Variants in RSF1 observed in about 807,000 individuals in gnomAD.
RSF1 encodes HBV pX-associated protein 8.
A neutral mutation model predicts 145.2 loss-of-function variants in RSF1; 13 were observed. The ratio of observed to expected loss-of-function variants is 0.09; its 90% CI spans 0.06 to 0.14. RSF1 has a LOEUF of 0.14. Among genes scored for constraint, RSF1 ranks in the 10% least tolerant of loss-of-function variants. RSF1 has a pLI of 1.00. For synonymous variants in RSF1, 577 were observed against 592.6 expected, an observed-to-expected ratio of 0.97 and a Z score of 0.38; for missense variants, 1,517 against 1,718.2, an observed-to-expected ratio of 0.88 and a Z score of 2.07.
At chr11:77,751,978 C>T (rs1460910243) in intron 2 of RSF1, among the ~76,000 whole-genome samples, 1 of 152,122 alleles carries the variant, frequency 6.6e-6, no homozygotes, top group Non-Finnish European at 1.5e-5. Flanking sequence ...ACCAGTGACT[C>T]CACAAATATT....
rs1246468700 is a variant in RSF1 at position 77,667,315 on chromosome 11, T to C, written c.3928A>G (p.Ser1310Gly). The C allele has an allele frequency of 6.2e-7, 1 of 1,614,144 alleles. No individual in the cohort carries two copies. The highest frequency in any genetic ancestry group is 2.2e-5 in the East Asian group (1 of 44,886). ...LHRIETDEEE[S>G]CDNAHGDANQ... ...GCATCTCCATGAGCATTGTCACAACTCTCCTCCTCATCCGTCTCAATCCGG... is the reference window on the plus strand; with the variant it reads ...GCATCTCCATGAGCATTGTCACAACCCTCCTCCTCATCCGTCTCAATCCGG... Residue 1310 changes from serine to glycine, a missense_variant, in exon 16 of 16, where the codon AGT becomes GGT. Ser to Gly is a moderately conservative substitution (Grantham distance 56). Around this residue, in one of 12 missense-constraint regions of RSF1, gnomAD observed 240 missense variants for 231.8 expected, o/e 1.04. Transcript: ENST00000308488.
At chr11:77,668,478 A>C (rs961879219) in intron 15 of RSF1, among the ~76,000 whole-genome samples, 6 of 151,968 alleles carry the variant, frequency 3.9e-5, no homozygotes, top group Admixed American at 1.3e-4. Flanking sequence ...CACTGTGCCA[A>C]CTCTCATCTT....
At chr11:77,841,074 T>G in the RSF1 span, 1 of 637,938 alleles carries the variant, frequency 1.6e-6, no homozygotes, top group Non-Finnish European at 2.9e-6. Context: ...AGAGCCTTCT[T>G]GCTGCATCAT....
At chr11:77,773,546 T>C (rs1300012201) in intron 1 of RSF1, among the ~76,000 whole-genome samples, 3 of 152,196 alleles carry the variant, frequency 2.0e-5, no homozygotes, top group Non-Finnish European at 4.4e-5. Flanking sequence ...CAAAATCTTA[T>C]TCCTTTATAT....
In RSF1 at chr11:77,663,489, A is replaced by C. The variant is rs1222353080; in HGVS notation, c.*3428T>G. 6.6e-6 allele frequency: 1 copy of C among 152,178 alleles called. No individual in the cohort carries two copies. The highest frequency in any genetic ancestry group is 2.4e-5 in the African/African-American group (1 of 41,450). 9.4% of individuals were successfully genotyped at this position (152,178 alleles called of 1,614,324 possible). On this transcript the variant is annotated 3_prime_UTR_variant, in exon 16 of 16. Coordinates refer to ENST00000308488, the MANE Select transcript of RSF1 (RefSeq NM_016578.4). ...TTTTCAAAAGCTTCATTAGCATTTA[A>C]AGTTTTTGGTTCTTGGGCAGGTCAC... is the stretch of plus-strand genomic sequence containing the variant.
intron 4 of RSF1, among the ~76,000 whole-genome samples, chr11:77,736,141 A>G (rs1590858399): frequency 6.6e-6 from 1 of 152,360 alleles, no homozygotes; most frequent in Middle Eastern, 3.4e-3. Flanking sequence ...GTGTGACAAC[A>G]TCTATCAGTC....
chr11:77,712,049 A>C (rs1162331919), intron 5 of RSF1, among the ~76,000 whole-genome samples: 2 of 152,330 alleles, frequency 1.3e-5, no homozygotes, highest in Admixed American at 1.3e-4. Flanking sequence ...CAATACTTCC[A>C]CAAAAGTTAC....
chr11:77,823,214 CAAA>C (rs746182266), upstream of RSF1, among the ~76,000 whole-genome samples: 13,642 of 92,230 alleles, frequency 0.15, 523 homozygotes, highest in Admixed American at 0.24. Flanking sequence ...GACTCCGTCT[CAAA>C]AAAAAAAAAA....
intron 1 of RSF1, among the ~76,000 whole-genome samples, chr11:77,818,591 A>G (rs990806517): frequency 6.6e-6 from 1 of 151,976 alleles, no homozygotes; most frequent in African/African-American, 2.4e-5. Context: ...TCAGCCTGGC[A>G]AACATGGTGA....
chr11:77,802,702 C>G (rs1440349976), intron 1 of RSF1, among the ~76,000 whole-genome samples: 1 of 152,140 alleles, frequency 6.6e-6, no homozygotes, highest in Non-Finnish European at 1.5e-5. Context: ...CACCAGCACG[C>G]CTGGCTAATT....
chr11:77,725,947 CTT>C (rs1961044826), intron 4 of RSF1, among the ~76,000 whole-genome samples: 1 of 152,056 alleles, frequency 6.6e-6, no homozygotes. Flanking sequence ...ATGAATATCT[CTT>C]GGGTTGAAAA....
intron 1 of RSF1, among the ~76,000 whole-genome samples, chr11:77,778,105 AGGGGAGGGGAGGAGGGGGAGAGGAT>A (rs1948360931): frequency 6.9e-4 from 1 of 1,456 alleles, no homozygotes. Context: ...TGTCTTGGGA[AGGGGAGGGGAGGAGGGGGAGAGGAT>A]GGGGAGGGGA....
intron 1 of RSF1, among the ~76,000 whole-genome samples, chr11:77,809,940 A>G (rs1948714059): frequency 6.6e-6 from 1 of 152,244 alleles, no homozygotes; most frequent in African/African-American, 2.4e-5. Flanking sequence ...TGCTAAGGAC[A>G]AAAGGAAAAG....
the RSF1 span, among the ~76,000 whole-genome samples, chr11:77,843,460 A>G: frequency 1.3e-5 from 2 of 152,274 alleles, no homozygotes; most frequent in African/African-American, 4.8e-5. Context: ...CCTTCCAGCT[A>G]GATGCTGAGG....
chr11:77,786,594 A>G (rs917884946), intron 1 of RSF1, among the ~76,000 whole-genome samples: 1 of 152,184 alleles, frequency 6.6e-6, no homozygotes, highest in Non-Finnish European at 1.5e-5. Flanking sequence ...AGGGGTTAGC[A>G]TACAGTAGAC....
intron 15 of RSF1, among the ~76,000 whole-genome samples, chr11:77,671,465 T>C (rs969770716): frequency 2.6e-5 from 4 of 151,656 alleles, no homozygotes; most frequent in Admixed American, 1.3e-4. Flanking sequence ...GAAAAAGAAG[T>C]AGAATAATCT....
intron 1 of RSF1, among the ~76,000 whole-genome samples, chr11:77,806,822 T>G (rs749142603): frequency 1.3e-5 from 2 of 151,862 alleles, no homozygotes; most frequent in Non-Finnish European, 2.9e-5. Flanking sequence ...CAGTAATGTA[T>G]ATCTTTACAA....
At chr11:77,697,236 A>AT (rs1439704601) in intron 7 of RSF1, among the ~76,000 whole-genome samples, 5 of 151,748 alleles carry the variant, frequency 3.3e-5, no homozygotes, top group African/African-American at 4.8e-5. Context: ...CTTCTTAGGA[A>AT]TTTTCCAAAC....
At chr11:77,754,460 C>A (rs1948095753) in intron 2 of RSF1, among the ~76,000 whole-genome samples, 1 of 151,822 alleles carries the variant, frequency 6.6e-6, no homozygotes, top group South Asian at 2.1e-4. Context: ...AAAATTAGGG[C>A]TTGGTATGTG....
Sources: gnomAD v4.1 joint callset for allele counts (sites outside exome capture counted in the v4.1 genomes callset) on GRCh38, gnomAD v4.1.1 for gene constraint, gnomAD v4.1.1 regional missense constraint, MANE v1.5 for transcripts, NCBI Gene and HGNC (gene_info 2026-07-23, HGNC 2026-07-21) for gene names.